Variants in SPAG16 observed in about 807,000 individuals in gnomAD.
The protein encoded by SPAG16 is sperm associated antigen 16, also known as sperm-associated antigen 16 protein.
A neutral mutation model predicts 80.4 loss-of-function variants in SPAG16; 86 were observed. That is an observed-to-expected ratio of 1.07 (90% CI 0.90 to 1.28). SPAG16 has a LOEUF of 1.28. SPAG16 is among the 50% of genes most tolerant of loss of function. SPAG16 has a pLI of 0.00. For missense variants in SPAG16, 870 were observed against 765.3 expected, an observed-to-expected ratio of 1.14 and a Z score of -1.61; for synonymous variants, 294 against 265.9, an observed-to-expected ratio of 1.11 and a Z score of -1.03.
At chr2:213,833,504 T>TTATATATAA (rs2073852500) in intron 10 of SPAG16, among the ~76,000 whole-genome samples, 1 of 1,376 alleles carries the variant, frequency 7.3e-4, no homozygotes, top group Non-Finnish European at 1.9e-3. Context: ...AATATATATA[T>TTATATATAA]TATATATAAT....
chr2:213,368,030 C>T (rs1459376070), intron 8 of SPAG16, among the ~76,000 whole-genome samples: 16 of 148,330 alleles, frequency 1.1e-4, no homozygotes, highest in Non-Finnish European at 2.1e-4. Context: ...CCCAGCACCA[C>T]TTATTAAATA....
rs769018535 is a variant in SPAG16, at chr2:214,010,695, A to G, written c.1401-3256A>G. On this transcript the variant is annotated intron_variant, in intron 12 of 15. Coordinates refer to ENST00000331683, the MANE Select transcript of SPAG16 (RefSeq NM_024532.5). ...CGAAACTGCTGTTGAAGTACTGAATAATCATTAAACTGTATAAAAGTATGG... is the reference window on the plus strand; with the variant it reads ...CGAAACTGCTGTTGAAGTACTGAATGATCATTAAACTGTATAAAAGTATGG... Among the ~76,000 whole-genome samples, 7 of 146,646 alleles carry G rather than the reference A, an allele frequency of 4.8e-5. 1 individual carries two copies. Among genetic ancestry groups the G allele is most frequent in the Admixed American group, 6.7e-5 (1 of 15,000 alleles).
chr2:214,173,538 C>T (rs570790965), intron 15 of SPAG16, among the ~76,000 whole-genome samples: 69 of 151,836 alleles, frequency 4.5e-4, no homozygotes, highest in Non-Finnish European at 7.7e-4. Context: ...GAAGTTGAAT[C>T]TCTGAATAGA....
intron 15 of SPAG16, among the ~76,000 whole-genome samples, chr2:214,217,983 T>C (rs534737731): frequency 6.6e-6 from 1 of 152,220 alleles, no homozygotes; most frequent in Non-Finnish European, 1.5e-5. Context: ...CTTTTGACAC[T>C]GACTATATTT....
At chr2:213,391,280 A>G (rs2067737639) in intron 9 of SPAG16, among the ~76,000 whole-genome samples, 1 of 152,210 alleles carries the variant, frequency 6.6e-6, no homozygotes, top group Admixed American at 6.5e-5. Context: ...AAAAATAAAT[A>G]AATAAATGAT....
chr2:213,625,550 T>G (rs2061932380), intron 10 of SPAG16, among the ~76,000 whole-genome samples: 1 of 152,240 alleles, frequency 6.6e-6, no homozygotes, highest in African/African-American at 2.4e-5. Context: ...CATAACCATA[T>G]TTATCAATCT....
At chr2:214,222,186 G>A (rs573848761) in intron 15 of SPAG16, among the ~76,000 whole-genome samples, 1 of 134,826 alleles carries the variant, frequency 7.4e-6, no homozygotes, top group Non-Finnish European at 1.5e-5. Context: ...GCACAATCTC[G>A]GCTCACTGCA....
chr2:213,417,732 T>C (rs1215996646), intron 9 of SPAG16, among the ~76,000 whole-genome samples: 1 of 152,174 alleles, frequency 6.6e-6, no homozygotes, highest in Non-Finnish European at 1.5e-5. Flanking sequence ...ATGCATAATT[T>C]AGAAACTTAC....
At chr2:213,686,519 C>G (rs189596514) in intron 10 of SPAG16, among the ~76,000 whole-genome samples, 2 of 152,124 alleles carry the variant, frequency 1.3e-5, no homozygotes, top group East Asian at 3.9e-4. Context: ...TATTTTAAAA[C>G]TTATTTGTAT....
chr2:213,690,363 G>A (rs1411611593), intron 10 of SPAG16, among the ~76,000 whole-genome samples: 1 of 152,228 alleles, frequency 6.6e-6, no homozygotes, highest in Non-Finnish European at 1.5e-5. Flanking sequence ...CCTCCAGAGT[G>A]AAGGAAACTG....
intron 13 of SPAG16, among the ~76,000 whole-genome samples, chr2:214,085,190 A>G (rs2051640835): frequency 6.6e-6 from 1 of 152,150 alleles, no homozygotes; most frequent in African/African-American, 2.4e-5. Flanking sequence ...AAAAGAAAGT[A>G]GGACGAACAA....
In SPAG16 at chr2:213,650,419, A is replaced by G. The variant is rs534359535; in HGVS notation, c.1070+160329A>G. 1.1e-4 allele frequency among the ~76,000 whole-genome samples: 17 copies of G among 152,344 alleles called. No homozygotes were observed. In the South Asian group the frequency reaches 3.3e-3, roughly 30 times the overall value. ...CTAACGGTTACAAAGTCCCATTTCA[A>G]AAAGCAGTTTTCTTCTTTCATCTGA... On this transcript the variant is annotated intron_variant, in intron 10 of 15. Coordinates refer to ENST00000331683, the MANE Select transcript of SPAG16 (RefSeq NM_024532.5).
intron 15 of SPAG16, among the ~76,000 whole-genome samples, chr2:214,396,408 T>G (rs1701384685): frequency 6.6e-6 from 1 of 152,196 alleles, no homozygotes; most frequent in Non-Finnish European, 1.5e-5. Flanking sequence ...TCTCTGATAA[T>G]TCAAAATTTT....
chr2:213,419,722 T>C lies in SPAG16; in HGVS notation c.942+44603T>C, dbSNP rs550518302. Among the ~76,000 whole-genome samples, 123 of 152,344 alleles carry C rather than the reference T, an allele frequency of 8.1e-4. 2 individuals are homozygous for C. The South Asian group carries it at 0.023, about 28-fold the overall frequency. On this transcript the variant is annotated intron_variant, in intron 9 of 15. Transcript: ENST00000331683. ...ATTACATGTGTGCTACTTATTGATA[T>C]ATGGACTACATTGTGGTTTGCCATA...
intron 11 of SPAG16, among the ~76,000 whole-genome samples, chr2:213,889,536 A>G (rs747409057): frequency 4.6e-5 from 7 of 151,386 alleles, no homozygotes; most frequent in Non-Finnish European, 1.0e-4. Context: ...GTTAATATTT[A>G]CAGTCAAAGG....
chr2:213,984,751 C>A (rs529784890), intron 12 of SPAG16, among the ~76,000 whole-genome samples: 3 of 152,164 alleles, frequency 2.0e-5, no homozygotes, highest in South Asian at 4.2e-4. Context: ...CCTACAACTC[C>A]TTCTCCAACC....
intron 7 of SPAG16, among the ~76,000 whole-genome samples, chr2:213,358,152 T>G (rs72937097): frequency 0.22 from 33,140 of 152,134 alleles, 4,447 homozygotes; most frequent in Non-Finnish European, 0.31. Flanking sequence ...GCTTCCCCTT[T>G]TATGTAACCT....
intron 15 of SPAG16, among the ~76,000 whole-genome samples, chr2:214,204,742 A>C (rs2058096193): frequency 6.6e-6 from 1 of 152,150 alleles, no homozygotes; most frequent in Admixed American, 6.6e-5. Flanking sequence ...CCAGAAAAAC[A>C]ATTCTGGTAA....
chr2:213,582,285 C>A (rs898867660), intron 10 of SPAG16, among the ~76,000 whole-genome samples: 2 of 152,180 alleles, frequency 1.3e-5, no homozygotes, highest in African/African-American at 4.8e-5. Context: ...TATTTTGTAA[C>A]ATCATCATGG....
Sources: gnomAD v4.1 joint callset for allele counts (sites outside exome capture counted in the v4.1 genomes callset) on GRCh38, gnomAD v4.1.1 for gene constraint, MANE v1.5 for transcripts, NCBI Gene and HGNC (gene_info 2026-07-23, HGNC 2026-07-21) for gene names.